Variants in PDE4D observed in about 807,000 individuals in gnomAD.
PDE4D encodes phosphodiesterase 4D, also known as 3',5'-cyclic-AMP phosphodiesterase 4D.
Under a neutral mutation model 87.4 loss-of-function variants are expected in PDE4D, and 24 were observed. The observed-to-expected ratio is 0.27, with a 90% CI of 0.20 to 0.39. The LOEUF is 0.39. Ranked by LOEUF, PDE4D falls within the 10% of genes least tolerant of loss-of-function variation. The pLI, the probability that PDE4D is intolerant of heterozygous loss-of-function variation, is 1.00. For synonymous variants in PDE4D, 384 were observed against 383.2 expected (o/e 1.00, Z -0.02); for missense variants, 714 against 1,041.0 (o/e 0.69, Z 4.32).
intron 1 of PDE4D, among the ~76,000 whole-genome samples, chr5:60,385,364 C>T (rs1762129970): frequency 6.6e-6 from 1 of 152,230 alleles, no homozygotes; most frequent in Admixed American, 6.5e-5. Flanking sequence ...TCATCCTCAC[C>T]AGGGGTGAAG....
chr5:59,016,351 G>GTT (rs11413820), intron 6 of PDE4D, among the ~76,000 whole-genome samples: 4 of 105,482 alleles, frequency 3.8e-5, no homozygotes, highest in African/African-American at 1.2e-4. Flanking sequence ...TCATATCACA[G>GTT]TTTTTTTTTT....
At chr5:60,235,601 T>C (rs1279670053) in intron 1 of PDE4D, among the ~76,000 whole-genome samples, 1 of 151,684 alleles carries the variant, frequency 6.6e-6, no homozygotes, top group Non-Finnish European at 1.5e-5. Context: ...CATGCAAATG[T>C]CAAAAGACTC....
chr5:59,405,637 A>C (rs1429583239), intron 1 of PDE4D, among the ~76,000 whole-genome samples: 1 of 152,142 alleles, frequency 6.6e-6, no homozygotes, highest in African/African-American at 2.4e-5. Context: ...AAAAACTTTC[A>C]ATTTTTCCCC....
intron 2 of PDE4D, among the ~76,000 whole-genome samples, chr5:60,019,650 A>G (rs1465991147): frequency 6.6e-6 from 1 of 152,116 alleles, no homozygotes; most frequent in African/African-American, 2.4e-5. Context: ...TTTCTCCTTC[A>G]GCTTCCTCAC....
intron 5 of PDE4D, among the ~76,000 whole-genome samples, chr5:59,054,299 G>A (rs1056155065): frequency 1.3e-5 from 2 of 151,894 alleles, no homozygotes; most frequent in East Asian, 3.9e-4. Context: ...ATGAAGCAGT[G>A]GCTTACAAAG....
rs559817424 is a variant in PDE4D, at chr5:60,418,540, AT to A, written c.-90+69401del. 4.9e-4 allele frequency among the ~76,000 whole-genome samples: 74 copies of A among 151,018 alleles called. 1 individual carries two copies. Among genetic ancestry groups the A allele is most frequent in the Admixed American group, 4.7e-3 (72 of 15,210 alleles). On this transcript the variant is annotated intron_variant, in intron 1 of 16. Transcript: ENST00000502484. ...ATCCTTCTATAGACTATTTTCCTTT[AT>A]TTTCTGTGTGACTCTTTTTGTCTTT...
Position 58,975,583 on chromosome 5 carries a change from T to C in PDE4D, c.2013+74A>G, listed in dbSNP as rs985688656. The C allele has an allele frequency of 1.7e-6, 2 of 1,157,466 alleles. No homozygotes were observed. Among genetic ancestry groups the C allele is most frequent in the African/African-American group, 1.6e-5 (1 of 63,986 alleles). The allele number at this position is 1,157,466 out of a possible 1,614,324, so 71.7% of individuals were successfully genotyped here. A position where few individuals can be genotyped will look rare whatever the true frequency, so the allele number is the denominator to read the frequency against. On this transcript the variant is annotated intron_variant, in intron 14 of 14. Transcript: ENST00000340635. The surrounding 1 kb of genome is among the most constrained non-coding windows in gnomAD (Gnocchi z 4.2). ...TTAAAAATCCAGTAAAATACTATCA[T>C]ATGTAATACAAAGTAACCAAATGCT...
At chr5:59,213,696 A>C (rs1750593496) in intron 2 of PDE4D, among the ~76,000 whole-genome samples, 1 of 152,066 alleles carries the variant, frequency 6.6e-6, no homozygotes, top group Non-Finnish European at 1.5e-5. Flanking sequence ...TCCTTAACCC[A>C]GGGGCTCCTA....
chr5:60,491,463 A>T (rs537620715), upstream of PDE4D: 124 of 152,280 alleles, frequency 8.1e-4, 1 homozygote, highest in African/African-American at 2.9e-3. Context: ...ATGAAATCAT[A>T]TTAATAATGC....
At chr5:60,103,784 C>T (rs1776510413) in intron 2 of PDE4D, among the ~76,000 whole-genome samples, 1 of 151,844 alleles carries the variant, frequency 6.6e-6, no homozygotes, top group Admixed American at 6.6e-5. Flanking sequence ...AAAATATTAA[C>T]AGGGAAAAAT....
rs1478756133 is a variant in PDE4D, at chr5:60,351,911, T to A, written c.-90+136031A>T. Among the ~76,000 whole-genome samples the A allele has an allele frequency of 2.0e-5, 3 of 151,196 alleles. No individual in the cohort carries two copies. In the East Asian group the frequency reaches 5.8e-4, roughly 29 times the overall value. ...GCCTTGAACTCTTGGGGTCAAGCGA[T>A]CCTCCCACCTCAGCCTCCTGAGTAG... On this transcript the variant is annotated intron_variant, in intron 1 of 16. Coordinates refer to the PDE4D transcript ENST00000502484.
chr5:59,065,085 C>T (rs1448035875), intron 5 of PDE4D, among the ~76,000 whole-genome samples: 11,015 of 73,646 alleles, frequency 0.15, 1,654 homozygotes, highest in African/African-American at 0.35. Flanking sequence ...CACACACACA[C>T]ACACACACAC....
At chr5:59,571,977 C>G (rs1275198512) in intron 1 of PDE4D, among the ~76,000 whole-genome samples, 1 of 152,208 alleles carries the variant, frequency 6.6e-6, no homozygotes, top group African/African-American at 2.4e-5. Flanking sequence ...AGACTGCTTG[C>G]TATTTCATAA....
intron 1 of PDE4D, among the ~76,000 whole-genome samples, chr5:59,442,207 T>C (rs1439259423): frequency 6.6e-6 from 1 of 152,186 alleles, no homozygotes; most frequent in Non-Finnish European, 1.5e-5. Flanking sequence ...ATAGGCAGTA[T>C]CTTGGAAGAT....
At chr5:59,345,778 T>C (rs1392700980) in intron 1 of PDE4D, among the ~76,000 whole-genome samples, 2 of 152,204 alleles carry the variant, frequency 1.3e-5, no homozygotes, top group African/African-American at 2.4e-5. Context: ...GCAACCAGTA[T>C]AGAAACACAT....
chr5:59,744,231 T>C (rs1265933251), intron 1 of PDE4D, among the ~76,000 whole-genome samples: 1 of 152,158 alleles, frequency 6.6e-6, no homozygotes, highest in African/African-American at 2.4e-5. Context: ...AATGGAGGAA[T>C]CTTATTTCTC....
chr5:60,082,958 G>A (rs141349110), intron 2 of PDE4D, among the ~76,000 whole-genome samples: 192 of 152,222 alleles, frequency 1.3e-3, no homozygotes, highest in African/African-American at 4.4e-3. Context: ...AGAGAAGTTT[G>A]CTATAAAACC....
chr5:60,006,531 C>T (rs1211119113), intron 2 of PDE4D, among the ~76,000 whole-genome samples: 6 of 151,830 alleles, frequency 4.0e-5, no homozygotes, highest in Admixed American at 1.3e-4. Flanking sequence ...GCAATATGTC[C>T]CCCATGCCCT....
intron 1 of PDE4D, among the ~76,000 whole-genome samples, chr5:59,712,323 G>A (rs1754310948): frequency 6.8e-6 from 1 of 147,460 alleles, no homozygotes; most frequent in African/African-American, 2.5e-5. Context: ...CCATTTGTCT[G>A]TCTCTTTCTC....
Sources: allele counts gnomAD v4.1 joint callset (sites outside exome capture counted in the v4.1 genomes callset), GRCh38; gene constraint gnomAD v4.1.1; non-coding constraint Gnocchi (gnomAD v3.1); transcripts MANE v1.5; gene names NCBI Gene and HGNC (gene_info 2026-07-23, HGNC 2026-07-21).